CREBBP: variants seen among roughly 807,000 people sequenced by gnomAD.
CREBBP encodes CREB binding lysine acetyltransferase.
In CREBBP, 19 loss-of-function variants were observed where a neutral mutation model predicts 265.0. The observed-to-expected ratio is 0.07, with a 90% CI of 0.05 to 0.11. The LOEUF is 0.11. Among genes scored for constraint, CREBBP ranks in the 10% least tolerant of loss-of-function variants. The pLI, the probability that CREBBP is intolerant of heterozygous loss-of-function variation, is 1.00. For synonymous variants in CREBBP, 1,457 were observed against 1,223.7 expected (o/e 1.19, Z -3.98); for missense variants, 2,525 against 3,219.0 (o/e 0.78, Z 5.22).
At chr16:3,744,095 T>C (rs1290699414) in intron 23 of CREBBP, among the ~76,000 whole-genome samples, 1 of 152,074 alleles carries the variant, frequency 6.6e-6, no homozygotes, top group Non-Finnish European at 1.5e-5. Flanking sequence ...AAAGAAAGTC[T>C]ACTCATGCAA....
chr16:3,876,424 A>AC (rs2055404203), intron 1 of CREBBP, among the ~76,000 whole-genome samples: 3 of 150,428 alleles, frequency 2.0e-5, no homozygotes, highest in Admixed American at 6.6e-5. Context: ...AAAAAAAAAA[A>AC]AACAACCCAG....
chr16:3,788,388 C>G (rs1051273586), intron 5 of CREBBP, among the ~76,000 whole-genome samples: 1 of 152,190 alleles, frequency 6.6e-6, no homozygotes, highest in African/African-American at 2.4e-5. Flanking sequence ...GGGAGCACCT[C>G]TATGGCTTCC....
At chr16:3,757,553 A>G (rs917369827) in intron 18 of CREBBP, among the ~76,000 whole-genome samples, 177 bp from the exon 19 acceptor site, 2 of 152,142 alleles carry the variant, frequency 1.3e-5, no homozygotes, top group African/African-American at 2.4e-5. Context: ...AACTGGCTCT[A>G]AGAGACATTC....
At chr16:3,795,305 C>G (rs1202527326) in intron 3 of CREBBP, among the ~76,000 whole-genome samples, 3 of 152,178 alleles carry the variant, frequency 2.0e-5, no homozygotes, top group Admixed American at 6.5e-5. Context: ...AGCTAGAGAA[C>G]TACTACAGAA....
In CREBBP at chr16:3,729,204, G is replaced by A. The variant is rs557611780; in HGVS notation, c.5843C>T (p.Pro1948Leu). 1.3e-5 allele frequency: 20 copies of A among 1,530,232 alleles called. No individual in the cohort carries two copies. Among genetic ancestry groups the A allele is most frequent in the African/African-American group, 8.2e-5 (6 of 72,952 alleles). 94.8% of individuals were successfully genotyped at this position (1,530,232 alleles called of 1,614,324 possible). The change falls in exon 31 of 31, where the codon CCG (proline) becomes CTG (leucine). Residue 1948 changes from proline (P) to leucine (L), a missense_variant. By Grantham distance (98) the Pro-to-Leu change is moderately conservative. Transcript: ENST00000262367. ...PTSQVPAPPP[P>L]AQPPPAAVEA... Reference sequence around the variant, plus strand: ...CACCGCTGCAGGAGGGGGCTGGGCCGGGGGTGGGGGGGCCGGCACCTGGCT... The same window carrying A: ...CACCGCTGCAGGAGGGGGCTGGGCCAGGGGTGGGGGGGCCGGCACCTGGCT...
chr16:3,789,999 C>G, intron 5 of CREBBP, among the ~76,000 whole-genome samples: 1 of 151,776 alleles, frequency 6.6e-6, no homozygotes, highest in East Asian at 1.9e-4. Context: ...GTACTAAAAA[C>G]AAAAGATCCT....
intron 2 of CREBBP, among the ~76,000 whole-genome samples, chr16:3,824,864 G>A (rs758030294): frequency 2.0e-5 from 3 of 152,172 alleles, no homozygotes; most frequent in Non-Finnish European, 4.4e-5. Context: ...ATCACTCCCT[G>A]TGCCTCAACA....
chr16:3,813,619 T>C (rs574421476), intron 2 of CREBBP, among the ~76,000 whole-genome samples: 1 of 152,212 alleles, frequency 6.6e-6, no homozygotes, highest in African/African-American at 2.4e-5. Context: ...TTCCCCCAGT[T>C]CCTAAATTTC....
chr16:3,735,764 T>C (rs931050751), intron 28 of CREBBP, among the ~76,000 whole-genome samples: 3 of 152,182 alleles, frequency 2.0e-5, no homozygotes, highest in East Asian at 3.8e-4. Flanking sequence ...GCGGGTTGTG[T>C]CCTGACTGCC....
intron 2 of CREBBP, among the ~76,000 whole-genome samples, chr16:3,815,937 A>T (rs146727252): frequency 5.3e-4 from 80 of 152,262 alleles, no homozygotes; most frequent in Non-Finnish European, 8.8e-4. Flanking sequence ...AAATAAAATT[A>T]AAAAAGCAGA....
In CREBBP at chr16:3,726,454, C is replaced by G. The variant is rs1388575268; in HGVS notation, c.*1264G>C. 4 of 233,364 alleles carry G rather than the reference C, an allele frequency of 1.7e-5. No homozygotes were observed. The highest frequency in any genetic ancestry group is 1.1e-4 in the Admixed American group (2 of 17,794). The allele number at this position is 233,364 out of a possible 1,614,324, so 14.5% of individuals were successfully genotyped here. On this transcript the variant is annotated 3_prime_UTR_variant, in exon 31 of 31. Coordinates refer to ENST00000262367, the MANE Select transcript of CREBBP (RefSeq NM_004380.3). ...CCACCTCAGTCTCCGGGAAGAAAAG[C>G]CTCCGGGCGGCCGCTAAGCCTGGGC...
intron 2 of CREBBP, among the ~76,000 whole-genome samples, chr16:3,824,205 T>A (rs917573714): frequency 2.6e-5 from 4 of 152,034 alleles, no homozygotes; most frequent in African/African-American, 9.7e-5. Context: ...AACAAGGGGG[T>A]CAAGAGCTGG....
chr16:3,857,904 G>A (rs529581657), intron 1 of CREBBP, among the ~76,000 whole-genome samples: 55 of 152,324 alleles, frequency 3.6e-4, no homozygotes, highest in African/African-American at 1.3e-3. Flanking sequence ...ACACTCATAC[G>A]AGGCTGGGAA....
chr16:3,763,495 T>C (rs2052771619), intron 16 of CREBBP, among the ~76,000 whole-genome samples: 1 of 152,008 alleles, frequency 6.6e-6, no homozygotes, highest in Non-Finnish European at 1.5e-5. Context: ...AGTTTCTCTC[T>C]TGTTGCCCAG....
At chr16:3,748,660 C>T (rs902774886) in intron 21 of CREBBP, among the ~76,000 whole-genome samples, 2 of 152,190 alleles carry the variant, frequency 1.3e-5, no homozygotes, top group African/African-American at 2.4e-5. Flanking sequence ...AAGTAGCCAA[C>T]GCTCCTGGAG....
chr16:3,857,970 C>T (rs955706758), intron 1 of CREBBP, among the ~76,000 whole-genome samples: 2 of 152,152 alleles, frequency 1.3e-5, no homozygotes, highest in Non-Finnish European at 2.9e-5. Context: ...AAGTTACAGC[C>T]AAACTCAGCC....
At chr16:3,745,663 G>T (rs1252657223) in intron 21 of CREBBP, 3 of 436,316 alleles carry the variant, frequency 6.9e-6, no homozygotes, top group Non-Finnish European at 1.3e-5. Flanking sequence ...TCACAGGCCG[G>T]TATTTCTGAC....
intron 9 of CREBBP, 67 bp from the exon 10 acceptor site, chr16:3,778,249 G>T: frequency 7.5e-7 from 1 of 1,334,446 alleles, no homozygotes; most frequent in Non-Finnish European, 1.1e-6. Flanking sequence ...GATCTGTGTT[G>T]TAGGTTCTAA....
At position 3,770,747 on chromosome 16, in the gene CREBBP, C is replaced by T. The variant is rs746960824; in HGVS notation, c.2703G>A (p.Pro901=). 5.0e-6 allele frequency: 8 copies of T among 1,613,814 alleles called. No individual in the cohort carries two copies. In the East Asian group the frequency reaches 1.3e-4, roughly 27 times the overall value. Reference sequence around the variant, plus strand: ...TAGCACTGGGCACTGAGCCAGGAGTCGGGGTGGGAGTCTGCCCGGAAGACG... The same window carrying T: ...TAGCACTGGGCACTGAGCCAGGAGTTGGGGTGGGAGTCTGCCCGGAAGACG... ...PVSSSGQTPT[P]TPGSVPSATQ... Residue 901 remains proline, a synonymous_variant, in exon 14 of 31, where the codon CCG becomes CCA. Transcript: ENST00000262367.
Sources: allele counts gnomAD v4.1 joint callset (sites outside exome capture counted in the v4.1 genomes callset), GRCh38; gene constraint gnomAD v4.1.1; transcripts MANE v1.5; gene names NCBI Gene and HGNC (gene_info 2026-07-23, HGNC 2026-07-21).